MSC: variants seen among roughly 807,000 people sequenced by gnomAD.
MSC encodes the protein musculin, also known as activated B-cell factor 1, homolog of mouse musculin.
In MSC, 16 loss-of-function variants were observed where a neutral mutation model predicts 14.4. That is an observed-to-expected ratio of 1.11 (90% CI 0.75 to 1.69). The LOEUF is 1.69. Ranked by LOEUF, MSC falls within the 40% of genes most tolerant of loss-of-function variation. The pLI, the probability that MSC is intolerant of heterozygous loss-of-function variation, is 0.00. For synonymous variants in MSC, 165 were observed against 128.5 expected (o/e 1.28, Z -1.92); for missense variants, 320 against 288.1 (o/e 1.11, Z -0.80).
chr8:71,843,082 A>ACC (rs1554624671), intron 1 of MSC: 72 of 347,188 alleles, frequency 2.1e-4, no homozygotes, highest in African/African-American at 1.3e-3. Flanking sequence ...ACACACACAC[A>ACC]GTCATCCACT....
rs780410908 is a variant in MSC, at chr8:71,842,679, T to C, written c.603A>G (p.Leu201=). 6.2e-7 allele frequency: 1 copy of C among 1,614,086 alleles called. No individual in the cohort carries two copies. The highest frequency in any genetic ancestry group is 8.5e-7 in the Non-Finnish European group (1 of 1,180,000). The change falls in exon 2 of 2, where the codon CTA becomes CTG. Residue 201 remains leucine (L), a synonymous_variant. Coordinates refer to ENST00000325509, the MANE Select transcript of MSC (RefSeq NM_005098.4). The stretch of plus-strand genomic sequence containing the variant: ...GTCCGATTTAAGCGGTGGTTCCACA[T>C]AGTCTGTTGGCTGCGGAAACTTCTT... The part of the protein sequence containing the change: ...DTKEVSAANR[L]CGTTA
chr8:71,843,040 ACACACACACG>A (rs1244578116), intron 1 of MSC: 5,002 of 314,784 alleles, frequency 0.016, 145 homozygotes, highest in African/African-American at 0.075. Flanking sequence ...CAACACACAC[ACACACACACG>A]CACACACACA....
rs765804759 is a variant in MSC at position 71,843,875 on chromosome 8, C to A, written c.304G>T (p.Ala102Ser). The A allele has an allele frequency of 4.3e-6, 7 of 1,609,514 alleles. No homozygotes were observed. Among genetic ancestry groups the A allele is most frequent in the African/African-American group, 1.3e-5 (1 of 74,938 alleles). ...TTCCGCTGCGACTGCTTGCACTCTGCGGCTGAGCCCTTGGCCGGGAGGGGC... is the reference window on the plus strand; with the variant it reads ...TTCCGCTGCGACTGCTTGCACTCTGAGGCTGAGCCCTTGGCCGGGAGGGGC... Reference protein sequence around the residue: ...KKPLPAKGSAAECKQSQRNAA... With the variant: ...KKPLPAKGSASECKQSQRNAA... The change falls in exon 1 of 2, where the codon GCA becomes TCA. Residue 102 changes from alanine (A) to serine (S), a missense_variant. Coordinates refer to ENST00000325509, the MANE Select transcript of MSC (RefSeq NM_005098.4).
In MSC at chr8:71,842,240, C is replaced by G. The variant is rs1429403490; in HGVS notation, c.*421G>C. ...ATGTAGAGCGCGTTCTAACCGTTCC[C>G]TAACCATTGTGTCACCGCGAAAGGC... On this transcript the variant is annotated 3_prime_UTR_variant, in exon 2 of 2. Transcript: ENST00000325509. 1 of 229,876 alleles carries G rather than the reference C, an allele frequency of 4.4e-6. No individual in the cohort carries two copies. The highest frequency in any genetic ancestry group is 2.2e-5 in the African/African-American group (1 of 45,304). The allele number at this position is 229,876 out of a possible 1,614,324, so 14.2% of individuals were successfully genotyped here. A position where few individuals can be genotyped will look rare whatever the true frequency, so the allele number is the denominator to read the frequency against.
At chr8:71,843,216 T>G (rs1283185622) in intron 1 of MSC, 1 of 322,148 alleles carries the variant, frequency 3.1e-6, no homozygotes, top group African/African-American at 2.1e-5. Context: ...CCACAAGCAA[T>G]TTTTCTAAAA....
At chr8:71,843,383 G>C (rs1454522078) in intron 1 of MSC, 1 of 572,364 alleles carries the variant, frequency 1.7e-6, no homozygotes, top group Admixed American at 2.7e-5. Flanking sequence ...GATTTACCCT[G>C]GAAGTAGGAT....
chr8:71,842,858 T>C (rs956921519), intron 1 of MSC, 111 bp from the exon 2 acceptor site: 4 of 938,294 alleles, frequency 4.3e-6, no homozygotes, highest in Non-Finnish European at 7.0e-6. Flanking sequence ...TAAGATTTTA[T>C]CAGCATTCTG....
chr8:71,843,308 A>C, intron 1 of MSC: 1 of 439,366 alleles, frequency 2.3e-6, no homozygotes, highest in Non-Finnish European at 4.3e-6. Flanking sequence ...ACTCAGCTGG[A>C]TTAAGTTGGG....
In MSC at chr8:71,843,947, C is replaced by A; in HGVS notation, c.232G>T (p.Ala78Ser). ...EGCKRKRPRV[A>S]GGGGAGGSAG... The stretch of plus-strand genomic sequence containing the variant: ...CTACCACCTGCGCCGCCGCCCCCAG[C>A]CACACGGGGCCGCTTCCTCTTGCAG... Residue 78 changes from alanine to serine, a missense_variant, in exon 1 of 2, where the codon GCT becomes TCT. Ala to Ser is a moderately conservative substitution (Grantham distance 99). Transcript: ENST00000325509. 1.9e-6 allele frequency: 3 copies of A among 1,561,756 alleles called. No homozygotes were observed. Among genetic ancestry groups the A allele is most frequent in the Middle Eastern group, 1.8e-4 (1 of 5,710 alleles).
chr8:71,842,440 G>C lies in MSC; in HGVS notation c.*221C>G, dbSNP rs535819859. On this transcript the variant is annotated 3_prime_UTR_variant, in exon 2 of 2. Coordinates refer to ENST00000325509, the MANE Select transcript of MSC (RefSeq NM_005098.4). The stretch of plus-strand genomic sequence containing the variant: ...CACGAAAGGAAGCTCTTTTTGGAGA[G>C]GCAAAACGTGGTCGCCCAGATCCGG... 11 of 575,434 alleles carry C rather than the reference G, an allele frequency of 1.9e-5. No homozygotes were observed. The highest frequency in any genetic ancestry group is 6.3e-6 in the Non-Finnish European group (2 of 316,384). 35.6% of individuals were successfully genotyped at this position (575,434 alleles called of 1,614,324 possible). A position where few individuals can be genotyped will look rare whatever the true frequency, so the allele number is the denominator to read the frequency against.
chr8:71,844,245 T>C lies in MSC; in HGVS notation c.-67A>G, dbSNP rs1031617234. On this transcript the variant is annotated 5_prime_UTR_variant, in exon 1 of 2. Coordinates refer to ENST00000325509, the MANE Select transcript of MSC (RefSeq NM_005098.4). ...CCTGGCCAGTCTCGCTGTCTCCGCC[T>C]TCCGCTCCCTGGCGGAGGCGGAGGC... 6.3e-7 allele frequency: 1 copy of C among 1,598,122 alleles called. No individual in the cohort carries two copies. The highest frequency in any genetic ancestry group is 1.3e-5 in the African/African-American group (1 of 74,662).
In MSC at chr8:71,844,002, G is replaced by T; in HGVS notation, c.177C>A (p.Cys59Ter). ...EEDPDGEEER[C>*]ALGTAGSAEG... Reference sequence around the variant, plus strand: ...CCGCGCTGCCGGCTGTGCCCAGAGCGCAGCGCTCCTCCTCGCCGTCGGGGT... The same window carrying T: ...CCGCGCTGCCGGCTGTGCCCAGAGCTCAGCGCTCCTCCTCGCCGTCGGGGT... Residue 59 changes from cysteine to a stop codon, truncating the protein, a stop_gained, in exon 1 of 2, where the codon TGC (cysteine) becomes TGA (stop). Transcript: ENST00000325509. LOFTEE classifies it high-confidence loss of function. 6.4e-7 allele frequency: 1 copy of T among 1,568,680 alleles called. No homozygotes were observed. The highest frequency in any genetic ancestry group is 8.6e-7 in the Non-Finnish European group (1 of 1,158,616).
At position 71,844,222 on chromosome 8, in the gene MSC, T is replaced by G; in HGVS notation, c.-44A>C. 2 of 1,607,084 alleles carry G rather than the reference T, an allele frequency of 1.2e-6. No homozygotes were observed. On this transcript the variant is annotated 5_prime_UTR_variant, in exon 1 of 2. Coordinates refer to ENST00000325509, the MANE Select transcript of MSC (RefSeq NM_005098.4). ...CACACGCGTCCTCTTTCCTCCCCCC[T>G]GGCCAGTCTCGCTGTCTCCGCCTTC...
In MSC at chr8:71,842,267, G is replaced by A. The variant is rs3824153; in HGVS notation, c.*394C>T. ...AACCATTGTGTCACCGCGAAAGGCC[G>A]GGGCTGTGTGGAACCGTCCCGCACG... is the stretch of plus-strand genomic sequence containing the variant. On this transcript the variant is annotated 3_prime_UTR_variant, in exon 2 of 2. Coordinates refer to ENST00000325509, the MANE Select transcript of MSC (RefSeq NM_005098.4). 14,258 of 244,040 alleles carry A rather than the reference G, an allele frequency of 0.058. 555 individuals are homozygous for A. The highest frequency in any genetic ancestry group is 0.16 in the East Asian group (1,865 of 11,358). 15.1% of individuals were successfully genotyped at this position (244,040 alleles called of 1,614,324 possible). A position where few individuals can be genotyped will look rare whatever the true frequency, so the allele number is the denominator to read the frequency against.
In MSC at chr8:71,844,093, G is replaced by A; in HGVS notation, c.86C>T (p.Pro29Leu). Residue 29 changes from proline (P) to leucine (L), a missense_variant, in exon 1 of 2, where the codon CCG becomes CTG. By Grantham distance (98) the Pro-to-Leu change is moderately conservative (BLOSUM62 -3). Coordinates refer to ENST00000325509, the MANE Select transcript of MSC (RefSeq NM_005098.4). ...REYPVPASKR[P>L]PLRGVERSYA... The stretch of plus-strand genomic sequence containing the variant: ...GCTGCGCTCTACGCCGCGGAGGGGC[G>A]GCCTCTTGGAGGCGGGGACCGGGTA... 1 of 1,520,412 alleles carries A rather than the reference G, an allele frequency of 6.6e-7. No individual in the cohort carries two copies. Among genetic ancestry groups the A allele is most frequent in the Non-Finnish European group, 8.8e-7 (1 of 1,135,342 alleles). 94.2% of individuals were successfully genotyped at this position (1,520,412 alleles called of 1,614,324 possible). A position where few individuals can be genotyped will look rare whatever the true frequency, so the allele number is the denominator to read the frequency against.
chr8:71,842,656 C>T lies in MSC; in HGVS notation c.*5G>A, dbSNP rs1807407934. ...ATAATCCCATCAAGTGAGTTCCAGT[C>T]CGATTTAAGCGGTGGTTCCACATAG... On this transcript the variant is annotated 3_prime_UTR_variant, in exon 2 of 2. Coordinates refer to ENST00000325509, the MANE Select transcript of MSC (RefSeq NM_005098.4). 6.2e-7 allele frequency: 1 copy of T among 1,613,994 alleles called. No homozygotes were observed. The highest frequency in any genetic ancestry group is 2.2e-5 in the East Asian group (1 of 44,878).
rs1159936640 is a variant in MSC, at chr8:71,844,049, T to C, written c.130A>G (p.Asn44Asp). 6.5e-7 allele frequency: 1 copy of C among 1,549,908 alleles called. No individual in the cohort carries two copies. The highest frequency in any genetic ancestry group is 8.7e-7 in the Non-Finnish European group (1 of 1,150,804). The change falls in exon 1 of 2, where the codon AAC (asparagine) becomes GAC (aspartate). Residue 44 changes from asparagine (N) to aspartate (D), a missense_variant. Coordinates refer to ENST00000325509, the MANE Select transcript of MSC (RefSeq NM_005098.4). The part of the protein sequence containing the change: ...VERSYASPSD[N>D]SSAEEEDPDG... Reference sequence around the variant, plus strand: ...GGGTCCTCCTCCTCTGCCGACGAGTTGTCACTGGGCGAGGCGTAGCTGCGC... The same window carrying C: ...GGGTCCTCCTCCTCTGCCGACGAGTCGTCACTGGGCGAGGCGTAGCTGCGC...
At position 71,844,108 on chromosome 8, in the gene MSC, G is replaced by T; in HGVS notation, c.71C>A (p.Pro24His). The change falls in exon 1 of 2, where the codon CCC becomes CAC. Residue 24 changes from proline to histidine, a missense_variant. Physicochemically the swap from Pro to His is moderately conservative, Grantham distance 77 (BLOSUM62 -2). Coordinates refer to ENST00000325509, the MANE Select transcript of MSC (RefSeq NM_005098.4). ...LRGLQREYPV[P>H]ASKRPPLRGV... ...GCGGAGGGGCGGCCTCTTGGAGGCGGGGACCGGGTACTCCCGCTGCAGCCC... is the reference window on the plus strand; with the variant it reads ...GCGGAGGGGCGGCCTCTTGGAGGCGTGGACCGGGTACTCCCGCTGCAGCCC... 2 of 1,522,016 alleles carry T rather than the reference G, an allele frequency of 1.3e-6. No individual in the cohort carries two copies. Among genetic ancestry groups the T allele is most frequent in the Non-Finnish European group, 1.8e-6 (2 of 1,136,218 alleles). The allele number at this position is 1,522,016 out of a possible 1,614,324, so 94.3% of individuals were successfully genotyped here. A position where few individuals can be genotyped will look rare whatever the true frequency, so the allele number is the denominator to read the frequency against.
Position 71,843,759 on chromosome 8 carries a change from G to A in MSC, c.420C>T (p.Asp140=), listed in dbSNP as rs749547075. The A allele has an allele frequency of 3.1e-5, 50 of 1,614,012 alleles. No homozygotes were observed. In the South Asian group the frequency reaches 5.2e-4, roughly 17 times the overall value. The change falls in exon 1 of 2, where the codon GAC becomes GAT. Residue 140 remains aspartate (D), a synonymous_variant. Coordinates refer to ENST00000325509, the MANE Select transcript of MSC (RefSeq NM_005098.4). ...GCGTGTCCAGCTTGGAGAGCTTAGT[G>A]TCGGGGGGCACCCAGGGCAGGCTGG... The part of the protein sequence containing the change: ...LKTSLPWVPP[D]TKLSKLDTLR...
Sources: gnomAD v4.1 joint callset for allele counts on GRCh38, gnomAD v4.1.1 for gene constraint, MANE v1.5 for transcripts, NCBI Gene and HGNC (gene_info 2026-07-23, HGNC 2026-07-21) for gene names.